The following EIF2AK1 variants were observed in gnomAD, a reference collection of about 807,000 sequenced individuals.
EIF2AK1 encodes the protein eukaryotic translation initiation factor 2 alpha kinase 1, also known as eukaryotic translation initiation factor 2-alpha kinase 1.
A neutral mutation model predicts 77.9 loss-of-function variants in EIF2AK1; 54 were observed. The observed-to-expected ratio is 0.69, with a 90% CI of 0.56 to 0.87. The LOEUF (loss-of-function observed/expected upper bound fraction) is 0.87. Among genes scored for constraint, EIF2AK1 ranks in the 40% least tolerant of loss-of-function variants. The pLI is 0.00. For missense variants in EIF2AK1, 810 were observed against 768.6 expected, an observed-to-expected ratio of 1.05 and a Z score of -0.64; for synonymous variants, 314 against 290.5, an observed-to-expected ratio of 1.08 and a Z score of -0.82.
In EIF2AK1 at chr7:6,024,149, G is replaced by C; in HGVS notation, c.*524C>G. On this transcript the variant is annotated 3_prime_UTR_variant, in exon 15 of 15. Coordinates refer to ENST00000199389, the MANE Select transcript of EIF2AK1 (RefSeq NM_014413.4). Reference sequence around the variant, plus strand: ...GAGAGAACAGATAAAAAGGTTGGAAGTTGCACACTGTACACTGTTAAGAAG... The same window carrying C: ...GAGAGAACAGATAAAAAGGTTGGAACTTGCACACTGTACACTGTTAAGAAG... 2 of 1,292,810 alleles carry C rather than the reference G, an allele frequency of 1.5e-6. No individual in the cohort carries two copies. The highest frequency in any genetic ancestry group is 2.5e-5 in the South Asian group (2 of 81,030). The allele number at this position is 1,292,810 out of a possible 1,614,324, so 80.1% of individuals were successfully genotyped here.
At chr7:6,043,163 G>A (rs949588524) in intron 7 of EIF2AK1, among the ~76,000 whole-genome samples, 170 bp from the exon 8 acceptor site, 5 of 152,274 alleles carry the variant, frequency 3.3e-5, no homozygotes, top group Middle Eastern at 6.8e-3. Flanking sequence ...GTTAGGAACC[G>A]TAAAAACAAA....
chr7:6,047,067 T>C lies in EIF2AK1; in HGVS notation c.474A>G (p.Ala158=). The C allele has an allele frequency of 6.2e-7, 1 of 1,613,916 alleles. No individual in the cohort carries two copies. Among genetic ancestry groups the C allele is most frequent in the Non-Finnish European group, 8.5e-7 (1 of 1,179,964 alleles). ...KIRSREVALE[A]QTSRYLNEFE... ...ATTCATTTAAGTAACGTGAAGTTTG[T>C]GCTTCCAAGGCTACTTCCCTTGATC... The change falls in exon 5 of 15, where the codon GCA becomes GCG. Residue 158 remains alanine (A), a synonymous_variant. Transcript: ENST00000199389.
chr7:6,031,346 C>T (rs114269038), intron 11 of EIF2AK1: 1 of 1,535,508 alleles, frequency 6.5e-7, no homozygotes, highest in Non-Finnish European at 8.8e-7. Flanking sequence ...TCCATAACAA[C>T]ATTTTCCCCT....
At chr7:6,042,167 T>C (rs892716315) in intron 8 of EIF2AK1, among the ~76,000 whole-genome samples, 51 of 151,904 alleles carry the variant, frequency 3.4e-4, no homozygotes, top group African/African-American at 1.1e-3. Context: ...TAATAAAAAA[T>C]AGGCCAGGTG....
At chr7:6,054,746 C>T in intron 1 of EIF2AK1, 42 bp from the exon 2 acceptor site, 2 of 1,552,658 alleles carry the variant, frequency 1.3e-6, no homozygotes, top group African/African-American at 1.4e-5. Flanking sequence ...TAATGGTAAA[C>T]CTGTCTCATA....
intron 7 of EIF2AK1, 72 bp from the exon 8 acceptor site, chr7:6,043,065 A>G: frequency 7.0e-7 from 1 of 1,426,250 alleles, no homozygotes; most frequent in East Asian, 2.3e-5. Flanking sequence ...ACAGAGTTAA[A>G]ATATACAAAT....
At chr7:6,048,971 T>G (rs941444586) in intron 3 of EIF2AK1, 127 bp from the exon 4 acceptor site, 6 of 625,156 alleles carry the variant, frequency 9.6e-6, no homozygotes, top group Non-Finnish European at 1.6e-5. Flanking sequence ...CACTGGCTTT[T>G]TCAGTATTAC....
rs1787969485 is a variant in EIF2AK1 at position 6,033,273 on chromosome 7, C to G, written c.1332+4151G>C. Among the ~76,000 whole-genome samples the G allele has an allele frequency of 6.6e-6, 1 of 152,132 alleles. No individual in the cohort carries two copies. Among genetic ancestry groups the G allele is most frequent in the African/African-American group, 2.4e-5 (1 of 41,430 alleles). On this transcript the variant is annotated intron_variant, in intron 11 of 14. Transcript: ENST00000199389. The surrounding 1 kb of genome is among the most constrained non-coding windows in gnomAD (Gnocchi z 4.4). ...CCCTCAGCCACAGCACCCAGCTTCA[C>G]TGACAATCATTTCTAAGTGAGGATA...
In EIF2AK1 at chr7:6,046,139, A is replaced by G. The variant is rs1788438917; in HGVS notation, c.562T>C (p.Leu188=). ...YGRVYKVRNK[L]DGQYYAIKKI... ...TTTATTGCATAATACTGACCATCTA[A>G]TTTATTCCTGACCTGAAAAGTAGAA... Residue 188 remains leucine (L), a synonymous_variant, in exon 6 of 15, where the codon TTA becomes CTA. Coordinates refer to ENST00000199389, the MANE Select transcript of EIF2AK1 (RefSeq NM_014413.4). 4 of 1,549,548 alleles carry G rather than the reference A, an allele frequency of 2.6e-6. No homozygotes were observed. The highest frequency in any genetic ancestry group is 2.6e-6 in the Non-Finnish European group (3 of 1,147,296).
At position 6,024,168 on chromosome 7, in the gene EIF2AK1, TAAG is replaced by T; in HGVS notation, c.*502_*504del. 1 of 1,274,702 alleles carries T rather than the reference TAAG, an allele frequency of 7.8e-7. No individual in the cohort carries two copies. The highest frequency in any genetic ancestry group is 1.0e-6 in the Non-Finnish European group (1 of 980,466). 79.0% of individuals were successfully genotyped at this position (1,274,702 alleles called of 1,614,324 possible). A position where few individuals can be genotyped will look rare whatever the true frequency, so the allele number is the denominator to read the frequency against. ...TTGGAAGTTGCACACTGTACACTGT[TAAG>T]AAGTTGAGCTTTTATCTTAGAGGCA... On this transcript the variant is annotated 3_prime_UTR_variant, in exon 15 of 15. Transcript: ENST00000199389.
At chr7:6,052,650 T>C (rs376006407) in intron 2 of EIF2AK1, among the ~76,000 whole-genome samples, 15 of 151,082 alleles carry the variant, frequency 9.9e-5, no homozygotes, top group African/African-American at 3.4e-4. Flanking sequence ...TTTTTTTTTT[T>C]TCTCTAGAGG....
chr7:6,043,448 T>C (rs1294926723), intron 7 of EIF2AK1, among the ~76,000 whole-genome samples: 2 of 152,188 alleles, frequency 1.3e-5, no homozygotes, highest in Admixed American at 6.5e-5. Flanking sequence ...ATTTTTTTTT[T>C]GAGGCAGTCT....
At chr7:6,038,463 A>G in intron 10 of EIF2AK1, 97 bp downstream of exon 10, 1 of 763,234 alleles carries the variant, frequency 1.3e-6, no homozygotes, top group Middle Eastern at 4.1e-4. Context: ...AATAAAAAAT[A>G]AAAATGAAAA....
rs541692498 is a variant in EIF2AK1 at position 6,041,395 on chromosome 7, C to A, written c.792-176G>T. The stretch of plus-strand genomic sequence containing the variant: ...CTCAACTAAAAACACAAAAATTAGA[C>A]GGGTATGGTGGCATACGCCTGTAAT... On this transcript the variant is annotated intron_variant, in intron 8 of 14. Transcript: ENST00000199389. Among the ~76,000 whole-genome samples the A allele has an allele frequency of 5.9e-5, 9 of 151,856 alleles. No homozygotes were observed. The South Asian group carries it at 1.7e-3, about 28-fold the overall frequency.
Position 6,035,609 on chromosome 7 carries a change from C to T in EIF2AK1, c.1332+1815G>A. 1.3e-6 allele frequency: 2 copies of T among 1,551,034 alleles called. No individual in the cohort carries two copies. On this transcript the variant is annotated intron_variant, in intron 11 of 14. Transcript: ENST00000199389. The surrounding 1 kb of genome is among the most constrained non-coding windows in gnomAD (Gnocchi z 5.5). ...TGTGTGCGCACGGAGCTCAAGTGAA[C>T]ACTCAAGGGGAAATCAGCAACAAAC... is the stretch of plus-strand genomic sequence containing the variant.
chr7:6,030,488 C>G (rs967747648), intron 11 of EIF2AK1, among the ~76,000 whole-genome samples: 4 of 152,056 alleles, frequency 2.6e-5, no homozygotes, highest in African/African-American at 7.2e-5. Flanking sequence ...GCATGTTTCT[C>G]GCACTACGAA....
At chr7:6,034,486 C>G (rs958969570) in intron 11 of EIF2AK1, among the ~76,000 whole-genome samples, 1 of 152,028 alleles carries the variant, frequency 6.6e-6, no homozygotes, top group Non-Finnish European at 1.5e-5. Context: ...TTAGGGGACC[C>G]TTTCCTACCC....
intron 12 of EIF2AK1, 93 bp downstream of exon 12, chr7:6,028,825 G>T: frequency 1.4e-6 from 2 of 1,398,906 alleles, no homozygotes; most frequent in Non-Finnish European, 2.0e-6. Context: ...TCTTACCTTT[G>T]CTATTAAATC....
chr7:6,057,030 C>T (rs1353385614), intron 1 of EIF2AK1, among the ~76,000 whole-genome samples: 3 of 151,900 alleles, frequency 2.0e-5, no homozygotes, highest in African/African-American at 4.8e-5. Context: ...CAGTGGCTCA[C>T]GCCTACAATC....
Sources: gnomAD v4.1 joint callset for allele counts (sites outside exome capture counted in the v4.1 genomes callset) on GRCh38, gnomAD v4.1.1 for gene constraint, Gnocchi (gnomAD v3.1) non-coding constraint, MANE v1.5 for transcripts, NCBI Gene and HGNC (gene_info 2026-07-23, HGNC 2026-07-21) for gene names.